Variants in DAB1 observed in about 807,000 individuals in gnomAD.
The protein encoded by DAB1 is DAB adaptor protein 1, also known as disabled homolog 1.
Under a neutral mutation model 64.6 loss-of-function variants are expected in DAB1, and 15 were observed. The ratio of observed to expected loss-of-function variants is 0.23; its 90% CI spans 0.16 to 0.36. DAB1 has a LOEUF of 0.36. Among genes scored for constraint, DAB1 ranks in the 10% least tolerant of loss-of-function variants. The probability of loss-of-function intolerance (pLI) is 1.00; values close to 1 mark genes in which losing one functional copy is unlikely to be tolerated. For missense variants in DAB1, 596 were observed against 706.7 expected (o/e 0.84, Z 1.78); for synonymous variants, 235 against 251.9 (o/e 0.93, Z 0.64).
At chr1:57,880,690 T>C (rs1644130960) in intron 1 of DAB1, 1 of 152,208 alleles carries the variant, frequency 6.6e-6, no homozygotes, top group Non-Finnish European at 1.5e-5. Flanking sequence ...TTCAAAACTT[T>C]ATATTTTTGT....
At chr1:57,467,421 A>T (rs1433704117) in intron 7 of DAB1, among the ~76,000 whole-genome samples, 1 of 152,188 alleles carries the variant, frequency 6.6e-6, no homozygotes, top group African/African-American at 2.4e-5. Context: ...ACTTAGGAGG[A>T]TATTAGGAAT....
At chr1:57,027,555 C>T (rs1018588409) in intron 9 of DAB1, among the ~76,000 whole-genome samples, 3 of 152,206 alleles carry the variant, frequency 2.0e-5, no homozygotes, top group African/African-American at 7.2e-5. Flanking sequence ...TAGCTACCCC[C>T]CAACAGGGGG....
chr1:58,207,056 A>G (rs1447456737), intron 4 of DAB1, among the ~76,000 whole-genome samples: 1 of 152,166 alleles, frequency 6.6e-6, no homozygotes, highest in African/African-American at 2.4e-5. Flanking sequence ...GAGCTTGGGG[A>G]GCCAATTCAT....
chr1:58,077,038 G>A (rs1405387316), intron 5 of DAB1, among the ~76,000 whole-genome samples: 1 of 152,126 alleles, frequency 6.6e-6, no homozygotes, highest in African/African-American at 2.4e-5. Flanking sequence ...AAGCCTTCAG[G>A]AGCAATGCTT....
chr1:57,199,752 C>A (rs146124672), intron 2 of DAB1, among the ~76,000 whole-genome samples: 96 of 152,250 alleles, frequency 6.3e-4, no homozygotes, highest in African/African-American at 1.7e-3. Flanking sequence ...AGCTCTGTGA[C>A]CTTGAGTCAA....
intron 4 of DAB1, among the ~76,000 whole-genome samples, chr1:57,094,238 A>C (rs1010747394): frequency 2.6e-5 from 4 of 151,832 alleles, no homozygotes; most frequent in Non-Finnish European, 2.9e-5. Flanking sequence ...AATAATATTT[A>C]CTGAGTCTCT....
At chr1:57,599,216 A>AT (rs994987554) in intron 7 of DAB1, among the ~76,000 whole-genome samples, 1 of 150,646 alleles carries the variant, frequency 6.6e-6, no homozygotes, top group African/African-American at 2.4e-5. Context: ...AAGCTTAATA[A>AT]TTTTTTTCTA....
chr1:57,856,627 G>T (rs1273631180), intron 1 of DAB1, among the ~76,000 whole-genome samples: 1 of 151,972 alleles, frequency 6.6e-6, no homozygotes, highest in Non-Finnish European at 1.5e-5. Flanking sequence ...AGCTGGGGAT[G>T]GTGGTGCGCA....
intron 5 of DAB1, among the ~76,000 whole-genome samples, chr1:58,086,991 C>T (rs758419972): frequency 3.3e-5 from 5 of 152,132 alleles, no homozygotes; most frequent in Non-Finnish European, 5.9e-5. Context: ...GTGCAAAGAG[C>T]ATGAGCTGTG....
chr1:58,478,267 T>C (rs1468234296), intron 3 of DAB1, among the ~76,000 whole-genome samples: 1 of 152,152 alleles, frequency 6.6e-6, no homozygotes, highest in Non-Finnish European at 1.5e-5. Flanking sequence ...TCCGCCATGA[T>C]TGTGAGATTC....
At chr1:57,342,229 A>G (rs1444463377) in intron 1 of DAB1, among the ~76,000 whole-genome samples, 1 of 152,046 alleles carries the variant, frequency 6.6e-6, no homozygotes, top group Non-Finnish European at 1.5e-5. Flanking sequence ...GCTGATCCCT[A>G]TGTATCCTTT....
At chr1:58,238,634 T>C (rs1172049981) in intron 4 of DAB1, among the ~76,000 whole-genome samples, 1 of 152,172 alleles carries the variant, frequency 6.6e-6, no homozygotes, top group Non-Finnish European at 1.5e-5. Flanking sequence ...GTGTGATGTT[T>C]AATGGGAGCA....
At chr1:57,935,432 G>T (rs12035761) in intron 5 of DAB1, among the ~76,000 whole-genome samples, 7 of 152,078 alleles carry the variant, frequency 4.6e-5, no homozygotes, top group Non-Finnish European at 8.8e-5. Flanking sequence ...GTAGTATTAT[G>T]GTAATTGCTT....
At chr1:58,433,657 G>C (rs1020643153) in intron 3 of DAB1, among the ~76,000 whole-genome samples, 56 of 148,888 alleles carry the variant, frequency 3.8e-4, no homozygotes, top group Non-Finnish European at 5.8e-4. Flanking sequence ...CTGTGTGGAG[G>C]GGGGGAGGCG....
intron 4 of DAB1, among the ~76,000 whole-genome samples, chr1:58,181,472 C>T (rs1005705665): frequency 6.6e-6 from 1 of 152,122 alleles, no homozygotes; most frequent in Middle Eastern, 3.4e-3. Flanking sequence ...TTTATATCTG[C>T]ATTTTGATAC....
At chr1:58,392,697 GGTGATT>G (rs1644486048) in intron 3 of DAB1, among the ~76,000 whole-genome samples, 1 of 152,200 alleles carries the variant, frequency 6.6e-6, no homozygotes, top group Admixed American at 6.5e-5. Context: ...CTATATGCTT[GGTGATT>G]CCCAAACCTC....
intron 4 of DAB1, among the ~76,000 whole-genome samples, chr1:58,321,152 T>C (rs112646773): frequency 1.4e-3 from 217 of 152,374 alleles, no homozygotes; most frequent in African/African-American, 4.8e-3. Flanking sequence ...CCATTAACTA[T>C]GGAGTCAATT....
At chr1:57,116,336 C>A (rs1190963202) in intron 4 of DAB1, among the ~76,000 whole-genome samples, 2 of 151,654 alleles carry the variant, frequency 1.3e-5, no homozygotes, top group East Asian at 1.9e-4. Flanking sequence ...GTGGCACGCG[C>A]CTGTAATCCC....
intron 6 of DAB1, among the ~76,000 whole-genome samples, chr1:57,704,878 T>TTCC (rs374859083): frequency 0.041 from 6,043 of 146,360 alleles, 481 homozygotes; most frequent in African/African-American, 0.14. Context: ...GGAAATTTCT[T>TTCC]TTCCTTCCTT....
Sources: gnomAD v4.1 joint callset for allele counts (sites outside exome capture counted in the v4.1 genomes callset) on GRCh38, gnomAD v4.1.1 for gene constraint, MANE v1.5 for transcripts, NCBI Gene and HGNC (gene_info 2026-07-23, HGNC 2026-07-21) for gene names.